PPM1L: variants seen among roughly 807,000 people sequenced by gnomAD.
PPM1L encodes protein phosphatase 1L.
In PPM1L, 13 loss-of-function variants were observed where a neutral mutation model predicts 31.4. That is an observed-to-expected ratio of 0.41 (90% CI 0.27 to 0.66). The LOEUF (loss-of-function observed/expected upper bound fraction) is 0.66. Among genes scored for constraint, PPM1L ranks in the 30% least tolerant of loss-of-function variants. The pLI is 0.29. For synonymous variants in PPM1L, 184 were observed against 175.4 expected (o/e 1.05, Z -0.39); for missense variants, 326 against 453.7 (o/e 0.72, Z 2.56).
chr3:160,906,462 T>C (rs940077921), intron 1 of PPM1L, among the ~76,000 whole-genome samples: 1 of 151,966 alleles, frequency 6.6e-6, no homozygotes, highest in Non-Finnish European at 1.5e-5. Context: ...ATTAGCTGGG[T>C]GTGATGGCAC....
intron 2 of PPM1L, among the ~76,000 whole-genome samples, chr3:160,996,692 A>G (rs1452699042): frequency 6.6e-6 from 1 of 152,172 alleles, no homozygotes; most frequent in Non-Finnish European, 1.5e-5. Context: ...TACAGTGTAC[A>G]CTGCTCTGGT....
At chr3:160,906,933 G>A (rs1012519072) in intron 1 of PPM1L, among the ~76,000 whole-genome samples, 3 of 152,190 alleles carry the variant, frequency 2.0e-5, no homozygotes, top group Admixed American at 2.0e-4. Context: ...GTGAGAGCAA[G>A]ACAGAGTACT....
At chr3:160,857,428 C>T (rs1711749283) in intron 1 of PPM1L, among the ~76,000 whole-genome samples, 1 of 152,090 alleles carries the variant, frequency 6.6e-6, no homozygotes, top group Admixed American at 6.6e-5. Flanking sequence ...GTTGGATAAT[C>T]CAGATCAGAC....
At chr3:160,966,842 TCA>T (rs1405488700) in intron 2 of PPM1L, among the ~76,000 whole-genome samples, 1 of 145,078 alleles carries the variant, frequency 6.9e-6, no homozygotes. Context: ...GACTGTGAGT[TCA>T]CATTGTTGAA....
At chr3:160,827,682 T>TGCATACTCTA (rs1489520820) in intron 1 of PPM1L, among the ~76,000 whole-genome samples, 1 of 151,588 alleles carries the variant, frequency 6.6e-6, no homozygotes, top group African/African-American at 2.4e-5. Flanking sequence ...TGCAGGCCTC[T>TGCATACTCTA]GCATACTCTA....
At chr3:160,921,456 T>C (rs1447016720) in intron 1 of PPM1L, among the ~76,000 whole-genome samples, 1 of 152,224 alleles carries the variant, frequency 6.6e-6, no homozygotes, top group African/African-American at 2.4e-5. Flanking sequence ...TAGTTTCTTC[T>C]TTTTTATGTA....
chr3:160,757,274 C>T (rs1043087517), intron 1 of PPM1L, among the ~76,000 whole-genome samples: 2 of 152,216 alleles, frequency 1.3e-5, no homozygotes, highest in Non-Finnish European at 2.9e-5. Context: ...ATCAACTTTA[C>T]AAGTGCAATC....
At chr3:160,876,105 T>G (rs1408759257) in intron 1 of PPM1L, among the ~76,000 whole-genome samples, 2 of 152,220 alleles carry the variant, frequency 1.3e-5, no homozygotes, top group Non-Finnish European at 2.9e-5. Context: ...CTTTCATCAA[T>G]TCCTTAAATC....
chr3:160,896,634 G>A (rs1366636041), intron 1 of PPM1L, among the ~76,000 whole-genome samples: 3 of 152,138 alleles, frequency 2.0e-5, no homozygotes, highest in African/African-American at 7.2e-5. Flanking sequence ...GATACTTCAT[G>A]TTTTGTTTTC....
At chr3:161,039,615 C>T (rs1300214146) in intron 2 of PPM1L, among the ~76,000 whole-genome samples, 7 of 152,034 alleles carry the variant, frequency 4.6e-5, no homozygotes, top group African/African-American at 1.4e-4. Context: ...CTCTGCCTCC[C>T]GGTTTCATGC....
intron 1 of PPM1L, among the ~76,000 whole-genome samples, chr3:160,793,303 A>G (rs958242629): frequency 1.3e-5 from 2 of 152,210 alleles, no homozygotes; most frequent in Non-Finnish European, 2.9e-5. Context: ...ACCTTTTCAA[A>G]TACTAGAAAA....
chr3:160,767,024 T>A (rs989331944), intron 1 of PPM1L, among the ~76,000 whole-genome samples: 1 of 152,172 alleles, frequency 6.6e-6, no homozygotes, highest in Non-Finnish European at 1.5e-5. Flanking sequence ...TATTTTCTAA[T>A]GTGTGCAGAG....
chr3:160,769,936 A>G (rs1389896871), intron 1 of PPM1L, among the ~76,000 whole-genome samples: 1 of 152,188 alleles, frequency 6.6e-6, no homozygotes, highest in Non-Finnish European at 1.5e-5. Context: ...AGTGTAAAAG[A>G]CTTTTCGGTA....
chr3:160,965,361 TG>T (rs1398993674), intron 2 of PPM1L, among the ~76,000 whole-genome samples: 1 of 152,158 alleles, frequency 6.6e-6, no homozygotes, highest in Non-Finnish European at 1.5e-5. Flanking sequence ...TTTGACTTTA[TG>T]ATGGTGCAAA....
rs59733370 is a variant in PPM1L, at chr3:160,799,839, A to G, written c.399+43132A>G. Among the ~76,000 whole-genome samples the G allele has an allele frequency of 5.2e-3, 785 of 152,000 alleles. 7 individuals are homozygous for G. The highest frequency in any genetic ancestry group is 0.017 in the African/African-American group (724 of 41,410). On this transcript the variant is annotated intron_variant, in intron 1 of 3. Transcript: ENST00000498165. Reference sequence around the variant, plus strand: ...CCTCTATTTTCTGATACTTCCCAACACCTTACTGTGCTGGGTTTTTCTCAA... The same window carrying G: ...CCTCTATTTTCTGATACTTCCCAACGCCTTACTGTGCTGGGTTTTTCTCAA...
chr3:160,975,399 A>T (rs146239153), intron 2 of PPM1L, among the ~76,000 whole-genome samples: 2 of 152,110 alleles, frequency 1.3e-5, no homozygotes. Context: ...GTTTTTTCCA[A>T]TTCTGTGAAG....
chr3:160,808,408 T>TGC (rs1553808353), intron 1 of PPM1L, among the ~76,000 whole-genome samples: 4 of 135,552 alleles, frequency 3.0e-5, no homozygotes, highest in African/African-American at 6.1e-5. Context: ...TGTGTGTGTG[T>TGC]GTGTGTGTGT....
chr3:161,011,698 A>T (rs910019053), intron 2 of PPM1L, among the ~76,000 whole-genome samples: 4 of 152,132 alleles, frequency 2.6e-5, no homozygotes, highest in African/African-American at 9.7e-5. Context: ...TTCGTTGAGC[A>T]GTGGTTTATA....
intron 2 of PPM1L, among the ~76,000 whole-genome samples, chr3:161,049,289 C>G (rs2108096944): frequency 6.6e-6 from 1 of 151,502 alleles, no homozygotes; most frequent in African/African-American, 2.4e-5. Context: ...AAAAAAAAAC[C>G]AAACCAAAAC....
Sources: gnomAD v4.1 joint callset for allele counts (sites outside exome capture counted in the v4.1 genomes callset) on GRCh38, gnomAD v4.1.1 for gene constraint, MANE v1.5 for transcripts, NCBI Gene and HGNC (gene_info 2026-07-23, HGNC 2026-07-21) for gene names.